RORB: variants seen among roughly 807,000 people sequenced by gnomAD.
RORB encodes the protein nuclear receptor ROR-beta.
In RORB, 6 loss-of-function variants were observed where a neutral mutation model predicts 59.1. The observed-to-expected ratio is 0.10, with a 90% CI of 0.06 to 0.20. The LOEUF is 0.20. Ranked by LOEUF, RORB falls within the 10% of genes least tolerant of loss-of-function variation. RORB has a pLI of 1.00. For missense variants in RORB, 320 were observed against 560.5 expected (o/e 0.57, Z 4.33); for synonymous variants, 215 against 204.5 (o/e 1.05, Z -0.44).
At chr9:74,568,633 G>A (rs1822503033) in intron 1 of RORB, among the ~76,000 whole-genome samples, 1 of 149,520 alleles carries the variant, frequency 6.7e-6, no homozygotes, top group African/African-American at 2.5e-5. Context: ...CCGGGAAGCA[G>A]AGGTTGAAGT....
chr9:74,592,358 G>A (rs1462997234), intron 1 of RORB, among the ~76,000 whole-genome samples: 1 of 152,136 alleles, frequency 6.6e-6, no homozygotes, highest in South Asian at 2.1e-4. Flanking sequence ...ACATTAAGTG[G>A]GGAAGCACTG....
Position 74,677,742 on chromosome 9 carries a change from G to T in RORB, c.1224+5841G>T, listed in dbSNP as rs1357849794. Reference sequence around the variant, plus strand: ...GCTTTCAGGTGAGACACTATCTAGAGTATGCAGCCTTCACTTTGCAGGATA... The same window carrying T: ...GCTTTCAGGTGAGACACTATCTAGATTATGCAGCCTTCACTTTGCAGGATA... On this transcript the variant is annotated intron_variant, in intron 9 of 9. Transcript: ENST00000376896. 2.0e-5 allele frequency among the ~76,000 whole-genome samples: 3 copies of T among 152,180 alleles called. No individual in the cohort carries two copies. The East Asian group carries it at 5.8e-4, about 29-fold the overall frequency.
intron 1 of RORB, among the ~76,000 whole-genome samples, chr9:74,561,873 TCA>T (rs1202154840): frequency 3.3e-5 from 5 of 152,238 alleles, no homozygotes; most frequent in Non-Finnish European, 5.9e-5. Flanking sequence ...TGAGAATCTC[TCA>T]GTCTTTCTTG....
intron 1 of RORB, among the ~76,000 whole-genome samples, chr9:74,558,587 C>T (rs1163963553): frequency 6.6e-6 from 1 of 152,208 alleles, no homozygotes; most frequent in African/African-American, 2.4e-5. Context: ...GAGTGGATCA[C>T]AGTACCTGAC....
intron 1 of RORB, among the ~76,000 whole-genome samples, chr9:74,612,334 G>A (rs1003880681): frequency 1.3e-5 from 2 of 152,166 alleles, no homozygotes; most frequent in African/African-American, 4.8e-5. Flanking sequence ...AGGATCACAG[G>A]TGAGTGCCTG....
intron 1 of RORB, among the ~76,000 whole-genome samples, chr9:74,563,373 A>G (rs1822427288): frequency 6.6e-6 from 1 of 151,952 alleles, no homozygotes; most frequent in African/African-American, 2.4e-5. Context: ...TTTAGAAGAG[A>G]TGGGGTTTCA....
chr9:74,649,512 C>T (rs1318794), intron 4 of RORB, among the ~76,000 whole-genome samples: 144,282 of 152,226 alleles, frequency 0.95, 68,895 homozygotes, highest in East Asian at 1. Flanking sequence ...TATGAATTAT[C>T]GTAGAGGATA....
In RORB at chr9:74,692,473, G is replaced by C. The variant is rs1001726306; in HGVS notation, c.*6855G>C. Reference sequence around the variant, plus strand: ...TGTTTTTACCTTAGCTCCAGCCTACGCTTGTAAAGTGAAGAGTGATTCTAA... The same window carrying C: ...TGTTTTTACCTTAGCTCCAGCCTACCCTTGTAAAGTGAAGAGTGATTCTAA... On this transcript the variant is annotated 3_prime_UTR_variant, in exon 10 of 10. Transcript: ENST00000376896. 2 of 152,110 alleles carry C rather than the reference G, an allele frequency of 1.3e-5. No individual in the cohort carries two copies. Among genetic ancestry groups the C allele is most frequent in the African/African-American group, 4.8e-5 (2 of 41,418 alleles). 9.4% of individuals were successfully genotyped at this position (152,110 alleles called of 1,614,324 possible). A position where few individuals can be genotyped will look rare whatever the true frequency, so the allele number is the denominator to read the frequency against.
intron 1 of RORB, among the ~76,000 whole-genome samples, chr9:74,532,097 G>T (rs1826251347): frequency 6.6e-6 from 1 of 151,896 alleles, no homozygotes; most frequent in Admixed American, 6.6e-5. Flanking sequence ...TTTGTTTCAA[G>T]CTTACCTATC....
intron 1 of RORB, among the ~76,000 whole-genome samples, chr9:74,561,685 T>C (rs1011856490): frequency 6.6e-6 from 1 of 152,138 alleles, no homozygotes; most frequent in African/African-American, 2.4e-5. Flanking sequence ...ATGTTAAAAA[T>C]TTACATAACC....
intron 1 of RORB, among the ~76,000 whole-genome samples, chr9:74,528,338 T>C (rs1033645636): frequency 1.3e-5 from 2 of 152,022 alleles, no homozygotes; most frequent in African/African-American, 4.8e-5. Flanking sequence ...TTTGCTTTAC[T>C]GAAAAAAGAA....
At chr9:74,650,492 T>C (rs1195972014) in intron 4 of RORB, among the ~76,000 whole-genome samples, 1 of 152,234 alleles carries the variant, frequency 6.6e-6, no homozygotes. Context: ...TGCTCTCTGC[T>C]AACCAATACA....
intron 1 of RORB, among the ~76,000 whole-genome samples, chr9:74,566,889 A>G (rs2118212399): frequency 6.6e-6 from 1 of 152,366 alleles, no homozygotes; most frequent in African/African-American, 2.4e-5. Context: ...TCAGTTATTC[A>G]GCCATACTGA....
At chr9:74,516,915 T>C (rs1198986248) in intron 1 of RORB, among the ~76,000 whole-genome samples, 3 of 152,064 alleles carry the variant, frequency 2.0e-5, no homozygotes. Context: ...TCACTGAATA[T>C]TATTATACCC....
chr9:74,604,244 C>T (rs1392462274), intron 1 of RORB, among the ~76,000 whole-genome samples: 3 of 152,270 alleles, frequency 2.0e-5, no homozygotes, highest in South Asian at 4.1e-4. Flanking sequence ...GGGATGCTAA[C>T]GAGCCTGCCT....
intron 1 of RORB, among the ~76,000 whole-genome samples, chr9:74,499,426 C>A (rs1310308972): frequency 6.6e-6 from 1 of 152,066 alleles, no homozygotes; most frequent in Non-Finnish European, 1.5e-5. Context: ...GCTGGCTGGA[C>A]GCTGGGATGT....
intron 4 of RORB, among the ~76,000 whole-genome samples, chr9:74,645,498 C>A (rs1823880856): frequency 6.6e-6 from 1 of 151,952 alleles, no homozygotes; most frequent in African/African-American, 2.4e-5. Context: ...TTAACCCAGG[C>A]CAATAATAGT....
At chr9:74,671,344 A>G (rs1824343384) in intron 8 of RORB, among the ~76,000 whole-genome samples, 1 of 152,224 alleles carries the variant, frequency 6.6e-6, no homozygotes, top group Admixed American at 6.5e-5. Context: ...ATTCTAACAT[A>G]GCTTCAGCTT....
intron 1 of RORB, among the ~76,000 whole-genome samples, chr9:74,605,435 G>A (rs1823134656): frequency 6.6e-6 from 1 of 152,176 alleles, no homozygotes; most frequent in Non-Finnish European, 1.5e-5. Flanking sequence ...CAACAACAAT[G>A]ACATACTGTA....
Sources: gnomAD v4.1 joint callset for allele counts (sites outside exome capture counted in the v4.1 genomes callset) on GRCh38, gnomAD v4.1.1 for gene constraint, MANE v1.5 for transcripts, NCBI Gene and HGNC (gene_info 2026-07-23, HGNC 2026-07-21) for gene names.